GMIP: variants seen among roughly 807,000 people sequenced by gnomAD.
GMIP encodes GEM interacting protein, also known as GEM-interacting protein.
In GMIP, 54 loss-of-function variants were observed where a neutral mutation model predicts 105.3. The ratio of observed to expected loss-of-function variants is 0.51; its 90% CI spans 0.41 to 0.64. GMIP has a LOEUF of 0.64. Among genes scored for constraint, GMIP ranks in the 30% least tolerant of loss-of-function variants. The pLI is 0.00. For missense variants in GMIP, 1,110 were observed against 1,319.4 expected (o/e 0.84, Z 2.46); for synonymous variants, 541 against 560.8 (o/e 0.96, Z 0.50).
rs758193334 is a variant in GMIP at position 19,637,563 on chromosome 19, T to G, written c.928-2A>C. On this transcript the variant is annotated splice_acceptor_variant, in intron 10 of 20. Coordinates refer to ENST00000203556, the MANE Select transcript of GMIP (RefSeq NM_016573.4). LOFTEE classifies it high-confidence loss of function. This position sits in a 1 kb window ranked among gnomAD's most constrained non-coding sequence, Gnocchi z 6.7. ...CAGCCCGAAGAGACTCAGCGTCACCTGCCGGGTGGAGACAGCAGGTTGGGG... is the reference window on the plus strand; with the variant it reads ...CAGCCCGAAGAGACTCAGCGTCACCGGCCGGGTGGAGACAGCAGGTTGGGG... 1.3e-6 allele frequency: 2 copies of G among 1,517,912 alleles called. No homozygotes were observed. Among genetic ancestry groups the G allele is most frequent in the Non-Finnish European group, 1.8e-6 (2 of 1,139,262 alleles). 94.0% of individuals were successfully genotyped at this position (1,517,912 alleles called of 1,614,324 possible). A position where few individuals can be genotyped will look rare whatever the true frequency, so the allele number is the denominator to read the frequency against.
rs1288809854 is a variant in GMIP at position 19,634,270 on chromosome 19, C to A, written c.2085-80G>T. ...GAGGGTAAGGGTGGGACACGCAGGC[C>A]AGCCTAGAGGTGACTTGCCCATGTC... On this transcript the variant is annotated intron_variant, in intron 18 of 20. Transcript: ENST00000203556. This position sits in a 1 kb window ranked among gnomAD's most constrained non-coding sequence, Gnocchi z 6.1. The A allele has an allele frequency of 4.9e-6, 7 of 1,429,326 alleles. No homozygotes were observed. The Admixed American group carries it at 1.6e-4, about 34-fold the overall frequency. 88.5% of individuals were successfully genotyped at this position (1,429,326 alleles called of 1,614,324 possible). A position where few individuals can be genotyped will look rare whatever the true frequency, so the allele number is the denominator to read the frequency against.
At chr19:19,642,735 A>C in intron 1 of GMIP, 116 bp from the exon 2 acceptor site, 5 of 482,310 alleles carry the variant, frequency 1.0e-5, no homozygotes, top group Non-Finnish European at 1.9e-5. Context: ...AGAGAGAAAG[A>C]GAGGGCTGGG....
intron 1 of GMIP, 71 bp from the exon 2 acceptor site, chr19:19,642,690 A>C: frequency 5.1e-5 from 32 of 631,502 alleles, no homozygotes; most frequent in Middle Eastern, 3.1e-4. Context: ...AACCAGTCTC[A>C]TTTGGAGGGG....
chr19:19,642,108 G>T, intron 2 of GMIP, 57 bp from the exon 3 acceptor site: 1 of 1,183,166 alleles, frequency 8.5e-7, no homozygotes, highest in East Asian at 2.4e-5. Flanking sequence ...CCTGCCAAGG[G>T]GTGCTGGGGA....
intron 19 of GMIP, 68 bp downstream of exon 19, chr19:19,633,735 A>C: frequency 8.8e-7 from 1 of 1,142,362 alleles, no homozygotes; most frequent in Non-Finnish European, 1.2e-6. Context: ...AGGAAGGTGA[A>C]AGAGAAGGTA....
intron 13 of GMIP, among the ~76,000 whole-genome samples, chr19:19,636,258 C>A (rs1469325467): frequency 2.0e-5 from 3 of 151,018 alleles, no homozygotes; most frequent in Admixed American, 2.0e-4. Flanking sequence ...CGTGGTGGCA[C>A]ACACCTGTAA....
In GMIP at chr19:19,641,873, C is replaced by T. The variant is rs372939320; in HGVS notation, c.181-6G>A. ...CAACAGCTGGCTTCGTTGGTCTGTG[C>T]GGGAGGGAGACAGTATTCAGAAGCA... On this transcript the variant is annotated splice_region_variant and splice_polypyrimidine_tract_variant and intron_variant, in intron 3 of 20. Transcript: ENST00000203556. The T allele has an allele frequency of 1.1e-5, 17 of 1,612,854 alleles. No individual in the cohort carries two copies. Among genetic ancestry groups the T allele is most frequent in the Admixed American group, 1.7e-5 (1 of 59,938 alleles).
rs1026859055 is a variant in GMIP, at chr19:19,635,926, G to A, written c.1328-205C>T. On this transcript the variant is annotated intron_variant, in intron 13 of 20. Coordinates refer to ENST00000203556, the MANE Select transcript of GMIP (RefSeq NM_016573.4). This position sits in a 1 kb window ranked among gnomAD's most constrained non-coding sequence, Gnocchi z 4.7. ...GATCAAGAGGTTGAGGAAATAGGCC[G>A]GGCGCAGTGGCTCACACCTGTAATC... 6.6e-6 allele frequency among the ~76,000 whole-genome samples: 1 copy of A among 152,160 alleles called. No individual in the cohort carries two copies. The highest frequency in any genetic ancestry group is 2.4e-5 in the African/African-American group (1 of 41,428).
chr19:19,643,340 G>T (rs4808975), intron 1 of GMIP, 171 bp downstream of exon 1: 1 of 517,984 alleles, frequency 1.9e-6, no homozygotes, highest in Admixed American at 3.7e-5. Context: ...GAAGGGCTGG[G>T]GTCCTGAACC....
In GMIP at chr19:19,637,650, A is replaced by T. The variant is rs751492677; in HGVS notation, c.928-89T>A. The T allele has an allele frequency of 1.9e-5, 22 of 1,130,114 alleles. No individual in the cohort carries two copies. The highest frequency in any genetic ancestry group is 2.7e-5 in the Non-Finnish European group (22 of 827,716). 70.0% of individuals were successfully genotyped at this position (1,130,114 alleles called of 1,614,324 possible). A position where few individuals can be genotyped will look rare whatever the true frequency, so the allele number is the denominator to read the frequency against. ...GCTGGGGCGGGGCTTGAGAGACGCG[A>T]ACGTGGTCAGGGTTTGGGACGCACC... On this transcript the variant is annotated intron_variant, in intron 10 of 20. Transcript: ENST00000203556. The surrounding 1 kb of genome is among the most constrained non-coding windows in gnomAD (Gnocchi z 6.7).
At chr19:19,643,467 G>C in intron 1 of GMIP, 44 bp downstream of exon 1, 1 of 1,514,010 alleles carries the variant, frequency 6.6e-7, no homozygotes, top group South Asian at 1.2e-5. Flanking sequence ...GTAGGAAGCA[G>C]GGGATGGTCG....
rs2144856427 is a variant in GMIP, at chr19:19,637,095, A to G, written c.1125-66T>C. The G allele has an allele frequency of 9.3e-7, 1 of 1,072,850 alleles. No individual in the cohort carries two copies. The highest frequency in any genetic ancestry group is 2.1e-5 in the Admixed American group (1 of 48,302). 66.5% of individuals were successfully genotyped at this position (1,072,850 alleles called of 1,614,324 possible). A position where few individuals can be genotyped will look rare whatever the true frequency, so the allele number is the denominator to read the frequency against. ...TGGCCTGGGGTGATGGCACCCAGGC[A>G]TCATGTCTAGGTACCAACTCCAAGC... On this transcript the variant is annotated intron_variant, in intron 11 of 20. Transcript: ENST00000203556. The surrounding 1 kb of genome is among the most constrained non-coding windows in gnomAD (Gnocchi z 6.7).
chr19:19,638,948 C>T (rs1451337168), intron 7 of GMIP, among the ~76,000 whole-genome samples: 1 of 151,776 alleles, frequency 6.6e-6, no homozygotes, highest in Non-Finnish European at 1.5e-5. Context: ...GATGTGATGG[C>T]ACACTCCTAT....
intron 7 of GMIP, 47 bp from the exon 8 acceptor site, chr19:19,638,529 C>A (rs766916011): frequency 1.0e-5 from 15 of 1,505,926 alleles, no homozygotes; most frequent in Admixed American, 6.9e-5. Flanking sequence ...TTAGGGCCAA[C>A]CCAGAAGCAG....
In GMIP at chr19:19,640,449, A is replaced by C; in HGVS notation, c.361T>G (p.Tyr121Asp). The stretch of plus-strand genomic sequence containing the variant: ...GCTGGGCGGAAGAGGTCCTCACCAT[A>C]GCTGGCTCTCTTTTCAGTCCAGGCA... ...LLAWTEKRASYELEFAKSTMK... is the reference protein window; with the variant it reads ...LLAWTEKRASDELEFAKSTMK... The change falls in exon 5 of 21, where the codon TAT (tyrosine) becomes GAT (aspartate). Residue 121 changes from tyrosine to aspartate, a missense_variant. By Grantham distance (160) the Tyr-to-Asp change is radical. This residue lies in a region of GMIP where 667 missense variants were observed against 773.2 expected (regional missense o/e 0.86). Transcript: ENST00000203556. 6.2e-7 allele frequency: 1 copy of C among 1,614,136 alleles called. No individual in the cohort carries two copies. Among genetic ancestry groups the C allele is most frequent in the South Asian group, 1.1e-5 (1 of 91,090 alleles).
At chr19:19,642,101 G>T in intron 2 of GMIP, 50 bp from the exon 3 acceptor site, 1 of 1,270,656 alleles carries the variant, frequency 7.9e-7, no homozygotes, top group Non-Finnish European at 1.1e-6. Context: ...AGTCTGTCCT[G>T]CCAAGGGGTG....
In GMIP at chr19:19,635,445, G is replaced by A. The variant is rs765309752; in HGVS notation, c.1530C>T (p.Ala510=). ...RGPAKCRECE[A]FMVSGTECEE... ...CACACTCCGTCCCGCTGACCATGAAGGCTTCGCACTCGCGGCACTTGGCTG... is the reference window on the plus strand; with the variant it reads ...CACACTCCGTCCCGCTGACCATGAAAGCTTCGCACTCGCGGCACTTGGCTG... Residue 510 remains alanine, a synonymous_variant, in exon 15 of 21, where the codon GCC becomes GCT. Coordinates refer to ENST00000203556, the MANE Select transcript of GMIP (RefSeq NM_016573.4). This position sits in a 1 kb window ranked among gnomAD's most constrained non-coding sequence, Gnocchi z 4.7. 8 of 1,609,782 alleles carry A rather than the reference G, an allele frequency of 5.0e-6. No homozygotes were observed. In the African/African-American group the frequency reaches 9.3e-5, roughly 19 times the overall value.
At chr19:19,642,492 G>A (rs768050873) in intron 2 of GMIP, 43 bp downstream of exon 2, 1 of 1,248,596 alleles carries the variant, frequency 8.0e-7, no homozygotes, top group South Asian at 1.2e-5. Context: ...AGGGGCTTGG[G>A]GCATCTTGGC....
rs971937267 is a variant in GMIP at position 19,631,754 on chromosome 19, G to A, written c.2473-1217C>T. Among the ~76,000 whole-genome samples the A allele has an allele frequency of 5.9e-5, 9 of 152,128 alleles. No individual in the cohort carries two copies. In the East Asian group the frequency reaches 7.7e-4, roughly 13 times the overall value. On this transcript the variant is annotated intron_variant, in intron 19 of 20. Transcript: ENST00000203556. ...TGTAATCCCAGCACTTTGGGAGGCC[G>A]AGGCGGGTGGATCACAAGGTCAGGA...
Sources: gnomAD v4.1 joint callset for allele counts (sites outside exome capture counted in the v4.1 genomes callset) on GRCh38, gnomAD v4.1.1 for gene constraint, gnomAD v4.1.1 regional missense constraint, Gnocchi (gnomAD v3.1) non-coding constraint, MANE v1.5 for transcripts, NCBI Gene and HGNC (gene_info 2026-07-23, HGNC 2026-07-21) for gene names.